Variants in PGAP1 observed in about 807,000 individuals in gnomAD.
The protein encoded by PGAP1 is GPI inositol-deacylase.
In PGAP1, 76 loss-of-function variants were observed where a neutral mutation model predicts 127.0. That is an observed-to-expected ratio of 0.60 (90% confidence interval 0.50 to 0.72). The LOEUF is 0.72. Among genes scored for constraint, PGAP1 ranks in the 30% least tolerant of loss-of-function variants. PGAP1 has a pLI of 0.00. For missense variants in PGAP1, 982 were observed against 1,071.3 expected (o/e 0.92, Z 1.16); for synonymous variants, 362 against 366.5 (o/e 0.99, Z 0.14).
intron 20 of PGAP1, among the ~76,000 whole-genome samples, chr2:196,861,417 C>T (rs928222632): frequency 6.6e-6 from 1 of 152,192 alleles, no homozygotes; most frequent in Admixed American, 6.5e-5. Flanking sequence ...TGCAAACTAT[C>T]CATCTGATAA....
chr2:196,902,307 G>C (rs977943084), intron 5 of PGAP1, among the ~76,000 whole-genome samples: 1 of 152,126 alleles, frequency 6.6e-6, no homozygotes, highest in Non-Finnish European at 1.5e-5. Flanking sequence ...CAAAGCACTA[G>C]AATTATAGGC....
intron 20 of PGAP1, among the ~76,000 whole-genome samples, chr2:196,851,929 C>T (rs1700732999): frequency 6.6e-6 from 1 of 152,144 alleles, no homozygotes; most frequent in Non-Finnish European, 1.5e-5. Flanking sequence ...TTAGACATGT[C>T]TTTTCTAGGG....
chr2:196,885,429 T>C lies in PGAP1; in HGVS notation c.1267A>G (p.Ile423Val). The change falls in exon 12 of 27, where the codon ATT becomes GTT. Residue 423 changes from isoleucine (I) to valine (V), a missense_variant. Transcript: ENST00000354764. ...ATTCTGAAGCCATAATTTACCTTAA[T>C]TGTTGGCAGCAGTTCAGCTTTCCAT... is the stretch of plus-strand genomic sequence containing the variant. ...LSWKAELLPT[I>V]KYLTLRLQDY... 2 of 1,599,328 alleles carry C rather than the reference T, an allele frequency of 1.3e-6. No homozygotes were observed. Among genetic ancestry groups the C allele is most frequent in the South Asian group, 1.1e-5 (1 of 87,908 alleles).
In PGAP1 at chr2:196,847,056, T is replaced by C; in HGVS notation, c.2097A>G (p.Leu699=). The C allele has an allele frequency of 6.2e-7, 1 of 1,613,774 alleles. No individual in the cohort carries two copies. The highest frequency in any genetic ancestry group is 1.3e-5 in the African/African-American group (1 of 75,020). Residue 699 remains leucine (L), a synonymous_variant, in exon 22 of 27, where the codon CTA becomes CTG. Transcript: ENST00000354764. ...GAAGTCTCACAGATGCAGAAGACAGTAGGCCACTCCAGTAGGCAGTACACG... is the reference window on the plus strand; with the variant it reads ...GAAGTCTCACAGATGCAGAAGACAGCAGGCCACTCCAGTAGGCAGTACACG... ...FGTCTAYWSG[L]LSSASVRLLS... is the part of the protein sequence containing the mutation.
At position 196,844,682 on chromosome 2, in the gene PGAP1, T is replaced by C; in HGVS notation, c.2287-108A>G. 7.0e-6 allele frequency: 5 copies of C among 716,416 alleles called. No homozygotes were observed. The South Asian group carries it at 8.9e-5, about 13-fold the overall frequency. 44.4% of individuals were successfully genotyped at this position (716,416 alleles called of 1,614,324 possible). On this transcript the variant is annotated intron_variant, in intron 23 of 26. Transcript: ENST00000354764. The stretch of plus-strand genomic sequence containing the variant: ...ACTGTAATCTGAAATGTTTAAAATG[T>C]AAACCAAAAAGTCATTTAAACATTT...
Position 196,913,018 on chromosome 2 carries a change from A to G in PGAP1, c.513T>C (p.Ile171=), listed in dbSNP as rs2125834523. 1.9e-6 allele frequency: 3 copies of G among 1,611,912 alleles called. No homozygotes were observed. In the East Asian group the frequency reaches 6.7e-5, roughly 36 times the overall value. Residue 171 remains isoleucine (I), a synonymous_variant, in exon 4 of 27, where the codon ATT becomes ATC. Transcript: ENST00000354764. Reference sequence around the variant, plus strand: ...CAACAAGGCCACCCATAGAATGACCAATTATTGCCACACTTTTTGGAGCAA... The same window carrying G: ...CAACAAGGCCACCCATAGAATGACCGATTATTGCCACACTTTTTGGAGCAA... ...QEFAPKSVAI[I]GHSMGGLVAR... is the part of the protein sequence containing the mutation.
chr2:196,871,393 AAG>A (rs1228085224), intron 18 of PGAP1, among the ~76,000 whole-genome samples: 1 of 152,176 alleles, frequency 6.6e-6, no homozygotes, highest in East Asian at 1.9e-4. Flanking sequence ...TGATATTAGA[AAG>A]GAGATAAATA....
chr2:196,865,656 G>A (rs1345352542), intron 19 of PGAP1, among the ~76,000 whole-genome samples: 1 of 152,120 alleles, frequency 6.6e-6, no homozygotes, highest in Non-Finnish European at 1.5e-5. Context: ...ATGAGAAAAT[G>A]TTAATTGCTT....
intron 20 of PGAP1, among the ~76,000 whole-genome samples, chr2:196,854,335 G>A (rs1700810678): frequency 6.6e-6 from 1 of 151,908 alleles, no homozygotes; most frequent in Non-Finnish European, 1.5e-5. Flanking sequence ...AAATTATATG[G>A]AAAACATTGT....
intron 19 of PGAP1, among the ~76,000 whole-genome samples, chr2:196,867,947 G>T (rs1701293596): frequency 6.6e-6 from 1 of 152,146 alleles, no homozygotes; most frequent in Admixed American, 6.5e-5. Context: ...AGACCATTTT[G>T]CTACCTAATA....
intron 4 of PGAP1, among the ~76,000 whole-genome samples, chr2:196,903,661 T>C (rs1017680130): frequency 6.6e-6 from 1 of 152,068 alleles, no homozygotes; most frequent in Non-Finnish European, 1.5e-5. Flanking sequence ...ACAATCTATC[T>C]GGACAATACC....
In PGAP1 at chr2:196,890,821, A is replaced by C; in HGVS notation, c.1173+7T>G. On this transcript the variant is annotated splice_region_variant and intron_variant, in intron 10 of 26. Transcript: ENST00000354764. The stretch of plus-strand genomic sequence containing the variant: ...TAAATTTACATAAAATGTACCAATT[A>C]TCTTACCAGCATAGTGCTCTGACAA... The C allele has an allele frequency of 6.7e-7, 1 of 1,495,860 alleles. No individual in the cohort carries two copies. The highest frequency in any genetic ancestry group is 2.3e-5 in the East Asian group (1 of 44,148). 92.7% of individuals were successfully genotyped at this position (1,495,860 alleles called of 1,614,324 possible). A position where few individuals can be genotyped will look rare whatever the true frequency, so the allele number is the denominator to read the frequency against.
intron 1 of PGAP1, 102 bp downstream of exon 1, chr2:196,926,368 C>G (rs1413674243): frequency 1.3e-6 from 2 of 1,554,338 alleles, no homozygotes; most frequent in Admixed American, 3.7e-5. Context: ...ACAGGGGGCC[C>G]GAGAGGCGCA....
chr2:196,846,014 G>A lies in PGAP1; in HGVS notation c.2154C>T (p.Pro718=). The change falls in exon 23 of 27, where the codon CCC becomes CCT. Residue 718 remains proline, a synonymous_variant. Coordinates refer to ENST00000354764, the MANE Select transcript of PGAP1 (RefSeq NM_024989.4). ...TCTTGATATCTTTAGGAAGTTCAGA[G>A]GGTCTGGAATTATAAGAATAAAGTT... ...LSSLWLALKR[P]SELPKDIKMI... 6.4e-7 allele frequency: 1 copy of A among 1,573,992 alleles called. No homozygotes were observed. Among genetic ancestry groups the A allele is most frequent in the Non-Finnish European group, 8.7e-7 (1 of 1,153,390 alleles).
At chr2:196,887,819 G>T (rs1701967263) in intron 10 of PGAP1, among the ~76,000 whole-genome samples, 1 of 152,178 alleles carries the variant, frequency 6.6e-6, no homozygotes, top group Admixed American at 6.5e-5. Context: ...TGTGAGTCCT[G>T]TATCAGTTAC....
intron 20 of PGAP1, among the ~76,000 whole-genome samples, chr2:196,857,245 C>G (rs1700915554): frequency 6.6e-6 from 1 of 152,218 alleles, no homozygotes; most frequent in South Asian, 2.1e-4. Flanking sequence ...ATTCCTCTAT[C>G]TGTTAACTTG....
chr2:196,925,511 A>C (rs1277198240), intron 1 of PGAP1, among the ~76,000 whole-genome samples: 1 of 152,214 alleles, frequency 6.6e-6, no homozygotes, highest in Non-Finnish European at 1.5e-5. Context: ...CATTCGGAAA[A>C]ATTCTCTTAG....
intron 2 of PGAP1, among the ~76,000 whole-genome samples, chr2:196,917,406 C>A (rs1374252891): frequency 6.6e-6 from 1 of 152,124 alleles, no homozygotes; most frequent in Non-Finnish European, 1.5e-5. Flanking sequence ...TATTCACCAT[C>A]TCTGGTATAT....
chr2:196,881,012 T>A (rs1285599563), intron 12 of PGAP1, among the ~76,000 whole-genome samples: 1 of 152,096 alleles, frequency 6.6e-6, no homozygotes, highest in Non-Finnish European at 1.5e-5. Flanking sequence ...CTGATTCTCT[T>A]CCTCCTCCTA....
Sources: allele counts gnomAD v4.1 joint callset (sites outside exome capture counted in the v4.1 genomes callset), GRCh38; gene constraint gnomAD v4.1.1; transcripts MANE v1.5; gene names NCBI Gene and HGNC (gene_info 2026-07-23, HGNC 2026-07-21).